CREG2: variants seen among roughly 807,000 people sequenced by gnomAD.
The protein encoded by CREG2 is protein CREG2.
Under a neutral mutation model 26.2 loss-of-function variants are expected in CREG2, and 24 were observed. The observed-to-expected ratio is 0.92, with a 90% CI of 0.66 to 1.29. The LOEUF (loss-of-function observed/expected upper bound fraction) is 1.29, where lower values mean the gene tolerates loss of function less well. CREG2 is among the 50% of genes most tolerant of loss of function. The pLI, the probability that CREG2 is intolerant of heterozygous loss-of-function variation, is 0.00. For synonymous variants in CREG2, 174 were observed against 169.2 expected (o/e 1.03, Z -0.22); for missense variants, 366 against 398.6 (o/e 0.92, Z 0.70).
rs1475830559 is a variant in CREG2 at position 101,387,156 on chromosome 2, G to C, written c.302C>G (p.Pro101Arg). 7.9e-7 allele frequency: 1 copy of C among 1,268,012 alleles called. No individual in the cohort carries two copies. Among genetic ancestry groups the C allele is most frequent in the African/African-American group, 1.6e-5 (1 of 64,398 alleles). 78.5% of individuals were successfully genotyped at this position (1,268,012 alleles called of 1,614,324 possible). A position where few individuals can be genotyped will look rare whatever the true frequency, so the allele number is the denominator to read the frequency against. ...AARARPPPAP[P>R]GMFSYRREGG... ...CTCGCGCCGGTAGGAGAACATCCCG[G>C]GTGGCGCGGGGGGCGGCCTGGCCCG... The change falls in exon 1 of 4, where the codon CCC (proline) becomes CGC (arginine). Residue 101 changes from proline to arginine, a missense_variant. By Grantham distance (103) the Pro-to-Arg change is moderately radical (BLOSUM62 -2). Transcript: ENST00000324768. The surrounding 1 kb of genome is among the most constrained non-coding windows in gnomAD (Gnocchi z 4.7).
intron 2 of CREG2, among the ~76,000 whole-genome samples, chr2:101,368,878 C>A (rs1462901056): frequency 1.3e-5 from 2 of 152,198 alleles, no homozygotes; most frequent in Non-Finnish European, 2.9e-5. Context: ...GCCTTCCACC[C>A]TCCAGAACTG....
chr2:101,365,823 C>G (rs545598293), intron 2 of CREG2, among the ~76,000 whole-genome samples: 8 of 152,246 alleles, frequency 5.3e-5, no homozygotes, highest in African/African-American at 1.7e-4. Context: ...CAGAACCCTT[C>G]CCCCTACTTT....
intron 2 of CREG2, among the ~76,000 whole-genome samples, chr2:101,365,391 G>A (rs1258922595): frequency 6.6e-6 from 1 of 152,016 alleles, no homozygotes; most frequent in Non-Finnish European, 1.5e-5. Context: ...TTGGGGAGGC[G>A]TCTCACCTCC....
intron 2 of CREG2, among the ~76,000 whole-genome samples, chr2:101,361,114 A>C (rs1684532157): frequency 6.6e-6 from 1 of 152,246 alleles, no homozygotes; most frequent in African/African-American, 2.4e-5. Flanking sequence ...AACACAGTAC[A>C]TTTACATAGG....
chr2:101,358,025 A>G (rs1266572847), intron 2 of CREG2, among the ~76,000 whole-genome samples: 1 of 146,916 alleles, frequency 6.8e-6, no homozygotes, highest in Non-Finnish European at 1.5e-5. Flanking sequence ...TCAGAGTCTC[A>G]CTCTGTCTCC....
intron 2 of CREG2, 40 bp downstream of exon 2, chr2:101,383,493 T>C (rs775503972): frequency 6.2e-7 from 1 of 1,608,324 alleles, no homozygotes; most frequent in African/African-American, 1.3e-5. Context: ...TGTCAAAAAC[T>C]TCCCAGGACC....
At chr2:101,373,077 A>G (rs2104480574) in intron 2 of CREG2, among the ~76,000 whole-genome samples, 1 of 152,352 alleles carries the variant, frequency 6.6e-6, no homozygotes, top group Non-Finnish European at 1.5e-5. Context: ...AAACACAGTT[A>G]CCATAAGACC....
chr2:101,357,818 A>G (rs1007095520), intron 2 of CREG2, among the ~76,000 whole-genome samples: 3 of 151,650 alleles, frequency 2.0e-5, no homozygotes, highest in South Asian at 2.1e-4. Context: ...GTAGCACCCT[A>G]CCTGAGGTCC....
At chr2:101,356,951 G>A (rs11677439) in intron 2 of CREG2, among the ~76,000 whole-genome samples, 101,878 of 151,590 alleles carry the variant, frequency 0.67, 36,058 homozygotes, top group Non-Finnish European at 0.77. Context: ...GTGCAATGGC[G>A]TAATCTTGGC....
At chr2:101,358,009 A>C (rs146402632) in intron 2 of CREG2, among the ~76,000 whole-genome samples, 1 of 148,112 alleles carries the variant, frequency 6.8e-6, no homozygotes, top group South Asian at 2.1e-4. Context: ...GCTACCTGTC[A>C]TCTGGTCAGA....
At chr2:101,382,966 T>TA (rs1325697697) in intron 2 of CREG2, 1 of 985,664 alleles carries the variant, frequency 1.0e-6, no homozygotes, top group Non-Finnish European at 1.2e-6. Flanking sequence ...TGAATTCAGA[T>TA]AAAGGGGCCT....
chr2:101,381,592 T>C (rs1684874530), intron 2 of CREG2, among the ~76,000 whole-genome samples: 1 of 152,192 alleles, frequency 6.6e-6, no homozygotes, highest in African/African-American at 2.4e-5. Flanking sequence ...ACATCATATT[T>C]CAATACTTCA....
At chr2:101,369,983 AC>A (rs1684679533) in intron 2 of CREG2, among the ~76,000 whole-genome samples, 1 of 152,144 alleles carries the variant, frequency 6.6e-6, no homozygotes, top group Non-Finnish European at 1.5e-5. Flanking sequence ...GGGGGTTCTC[AC>A]TGCCTCTGGG....
intron 2 of CREG2, among the ~76,000 whole-genome samples, chr2:101,364,646 C>A (rs115972655): frequency 3.3e-5 from 5 of 152,108 alleles, no homozygotes; most frequent in Non-Finnish European, 4.4e-5. Flanking sequence ...ATGTTCTAGG[C>A]GTGCTGAGAA....
chr2:101,352,973 A>C (rs1275179636), intron 3 of CREG2, among the ~76,000 whole-genome samples: 1 of 152,202 alleles, frequency 6.6e-6, no homozygotes, highest in African/African-American at 2.4e-5. Flanking sequence ...AAAAGCAGAA[A>C]AAGCTACTGA....
chr2:101,385,520 C>T (rs1007088352), intron 1 of CREG2, among the ~76,000 whole-genome samples: 4 of 152,166 alleles, frequency 2.6e-5, no homozygotes, highest in South Asian at 2.1e-4. Flanking sequence ...CAAATCCTTC[C>T]AGTCAAGCAT....
intron 2 of CREG2, among the ~76,000 whole-genome samples, chr2:101,381,572 G>T (rs974146074): frequency 2.0e-5 from 3 of 152,216 alleles, no homozygotes; most frequent in African/African-American, 7.2e-5. Context: ...GGTTTTGTAG[G>T]CATTTATTTA....
At chr2:101,380,370 T>G (rs1684853915) in intron 2 of CREG2, among the ~76,000 whole-genome samples, 1 of 152,198 alleles carries the variant, frequency 6.6e-6, no homozygotes. Flanking sequence ...CGGGGCTAAC[T>G]TGATGAACGC....
At chr2:101,370,652 CAG>C (rs1684690105) in intron 2 of CREG2, among the ~76,000 whole-genome samples, 2 of 152,280 alleles carry the variant, frequency 1.3e-5, no homozygotes, top group Non-Finnish European at 2.9e-5. Context: ...CCCTTATTTT[CAG>C]AGACTGCTGG....
Sources: allele counts gnomAD v4.1 joint callset (sites outside exome capture counted in the v4.1 genomes callset), GRCh38; gene constraint gnomAD v4.1.1; non-coding constraint Gnocchi (gnomAD v3.1); transcripts MANE v1.5; gene names NCBI Gene and HGNC (gene_info 2026-07-23, HGNC 2026-07-21).